SAMD5: variants seen among roughly 807,000 people sequenced by gnomAD.
SAMD5 encodes sterile alpha motif domain containing 5, also known as sterile alpha motif domain-containing protein 5.
Under a neutral mutation model 11.3 loss-of-function variants are expected in SAMD5, and 13 were observed. The ratio of observed to expected loss-of-function variants is 1.15; its 90% CI spans 0.75 to 1.83. The LOEUF is 1.83. Among genes scored for constraint, SAMD5 ranks in the 40% most tolerant of loss-of-function variants. The pLI, the probability that SAMD5 is intolerant of heterozygous loss-of-function variation, is 0.00. For synonymous variants in SAMD5, 129 were observed against 111.3 expected (o/e 1.16, Z -1.00); for missense variants, 255 against 239.1 (o/e 1.07, Z -0.44).
At chr6:147,901,519 T>C in the SAMD5 span, among the ~76,000 whole-genome samples, 1 of 152,224 alleles carries the variant, frequency 6.6e-6, no homozygotes, top group South Asian at 2.1e-4. Context: ...GTAAAGTAGT[T>C]TTTTTCCATG....
chr6:147,797,877 G>T, the SAMD5 span, among the ~76,000 whole-genome samples: 5 of 151,218 alleles, frequency 3.3e-5, no homozygotes, highest in African/African-American at 1.2e-4. Context: ...AGTATTCTCT[G>T]ATGGTAGTTT....
At chr6:147,723,546 C>G (rs558148866) in intron 1 of SAMD5, among the ~76,000 whole-genome samples, 36 of 152,244 alleles carry the variant, frequency 2.4e-4, no homozygotes, top group Admixed American at 5.9e-4. Flanking sequence ...TGCTATTGCC[C>G]CCAGACTTCT....
chr6:147,941,902 C>T, the SAMD5 span, among the ~76,000 whole-genome samples: 17 of 152,084 alleles, frequency 1.1e-4, no homozygotes, highest in Non-Finnish European at 2.4e-4. Flanking sequence ...GAGATGGAGT[C>T]TTGCTCTGTC....
the SAMD5 span, among the ~76,000 whole-genome samples, chr6:147,812,610 A>G: frequency 6.6e-6 from 1 of 152,132 alleles, no homozygotes; most frequent in Non-Finnish European, 1.5e-5. Flanking sequence ...TCCAAGCCAA[A>G]TAAAGCCTGT....
chr6:147,878,393 A>G, the SAMD5 span, among the ~76,000 whole-genome samples: 2 of 151,764 alleles, frequency 1.3e-5, no homozygotes, highest in African/African-American at 4.8e-5. Context: ...AAGTTTTACT[A>G]TCATGGCCTA....
At chr6:147,816,792 T>C in the SAMD5 span, among the ~76,000 whole-genome samples, 2 of 152,190 alleles carry the variant, frequency 1.3e-5, no homozygotes, top group African/African-American at 4.8e-5. Flanking sequence ...TGAGGCTGGC[T>C]TCAAACTCTT....
the SAMD5 span, among the ~76,000 whole-genome samples, chr6:147,861,861 G>A: frequency 3.3e-5 from 5 of 152,154 alleles, no homozygotes; most frequent in Non-Finnish European, 7.3e-5. Flanking sequence ...TTCCTTTCTG[G>A]CTCTGTGACA....
chr6:147,800,454 A>T, the SAMD5 span, among the ~76,000 whole-genome samples: 1 of 152,124 alleles, frequency 6.6e-6, no homozygotes, highest in Non-Finnish European at 1.5e-5. Context: ...ATACTGGGAG[A>T]ACCACTGCTC....
intron 1 of SAMD5, among the ~76,000 whole-genome samples, chr6:147,543,260 A>G (rs1264166286): frequency 1.3e-5 from 2 of 152,184 alleles, no homozygotes; most frequent in East Asian, 3.9e-4. Flanking sequence ...GTTTACATTA[A>G]TTTGCCTAAA....
At chr6:147,771,394 C>T in the SAMD5 span, among the ~76,000 whole-genome samples, 1 of 152,160 alleles carries the variant, frequency 6.6e-6, no homozygotes, top group African/African-American at 2.4e-5. Context: ...CACGCATCCC[C>T]TTTCCGGAAG....
the SAMD5 span, among the ~76,000 whole-genome samples, chr6:147,825,245 C>T: frequency 3.3e-5 from 5 of 152,214 alleles, no homozygotes; most frequent in South Asian, 2.1e-4. Context: ...TGCAGTGAGC[C>T]GAGATTGCAC....
At chr6:147,872,388 T>G in the SAMD5 span, among the ~76,000 whole-genome samples, 3 of 152,208 alleles carry the variant, frequency 2.0e-5, no homozygotes, top group African/African-American at 7.2e-5. Context: ...ATGAGCTACC[T>G]GTGCCTGGTC....
chr6:147,619,803 C>G (rs1315456162), intron 1 of SAMD5, among the ~76,000 whole-genome samples: 1 of 152,074 alleles, frequency 6.6e-6, no homozygotes, highest in Non-Finnish European at 1.5e-5. Flanking sequence ...TACTGCCTGA[C>G]AAGGGGGAGG....
At chr6:147,920,363 C>A in the SAMD5 span, among the ~76,000 whole-genome samples, 7 of 152,216 alleles carry the variant, frequency 4.6e-5, no homozygotes, top group Non-Finnish European at 8.8e-5. Flanking sequence ...CTTGGACTTA[C>A]ACCAGTGGTT....
chr6:147,919,278 C>T, the SAMD5 span, among the ~76,000 whole-genome samples: 1 of 152,142 alleles, frequency 6.6e-6, no homozygotes, highest in South Asian at 2.1e-4. Context: ...CATGGGGGAA[C>T]CAGGCTACCA....
chr6:147,576,621 A>C (rs1789221621), intron 1 of SAMD5, among the ~76,000 whole-genome samples: 1 of 152,222 alleles, frequency 6.6e-6, no homozygotes, highest in African/African-American at 2.4e-5. Context: ...TAGTCAAGGC[A>C]AGTTATGTAC....
the SAMD5 span, among the ~76,000 whole-genome samples, chr6:147,817,350 C>T: frequency 2.0e-5 from 3 of 152,222 alleles, no homozygotes; most frequent in Non-Finnish European, 4.4e-5. Context: ...TTTTATAAAT[C>T]TGACAACTTC....
chr6:147,694,129 G>A (rs1258583927), intron 1 of SAMD5, among the ~76,000 whole-genome samples: 2 of 152,216 alleles, frequency 1.3e-5, no homozygotes, highest in African/African-American at 4.8e-5. Context: ...TGTGGAGTTG[G>A]TTCCTCTGCA....
chr6:147,830,162 T>A, the SAMD5 span, among the ~76,000 whole-genome samples: 1 of 151,912 alleles, frequency 6.6e-6, no homozygotes, highest in Non-Finnish European at 1.5e-5. Context: ...AGCAATAGAA[T>A]TGGAGAGAAA....
Sources: gnomAD v4.1 joint callset for allele counts (sites outside exome capture counted in the v4.1 genomes callset) on GRCh38, gnomAD v4.1.1 for gene constraint, MANE v1.5 for transcripts, NCBI Gene and HGNC (gene_info 2026-07-23, HGNC 2026-07-21) for gene names.